ENAM: variants seen among roughly 807,000 people sequenced by gnomAD.
ENAM encodes the protein enamelin, also known as amelogenesis imperfecta 2, hypocalcification (autosomal dominant).
A neutral mutation model predicts 33.6 loss-of-function variants in ENAM; 21 were observed. That is an observed-to-expected ratio of 0.63 (90% CI 0.44 to 0.90). ENAM has a LOEUF of 0.90. Ranked by LOEUF, ENAM falls within the 40% of genes least tolerant of loss-of-function variation. The pLI, the probability that ENAM is intolerant of heterozygous loss-of-function variation, is 0.00. For missense variants in ENAM, 1,388 were observed against 1,366.9 expected (o/e 1.02, Z -0.24); for synonymous variants, 473 against 468.4 (o/e 1.01, Z -0.13).
chr4:70,639,921 G>GGGCA (rs1222139147), intron 8 of ENAM, among the ~76,000 whole-genome samples: 3 of 152,106 alleles, frequency 2.0e-5, no homozygotes, highest in Non-Finnish European at 4.4e-5. Flanking sequence ...TACCTCTTGA[G>GGGCA]GGCACTACCT....
At chr4:70,638,349 AC>A (rs1738510837) in intron 8 of ENAM, among the ~76,000 whole-genome samples, 1 of 140,606 alleles carries the variant, frequency 7.1e-6, no homozygotes, top group Non-Finnish European at 1.5e-5. Flanking sequence ...ATAGCACCCC[AC>A]CCCCCTGGAG....
At chr4:70,640,554 G>A (rs1426665145) in intron 8 of ENAM, among the ~76,000 whole-genome samples, 1 of 152,072 alleles carries the variant, frequency 6.6e-6, no homozygotes, top group African/African-American at 2.4e-5. Context: ...TTATAGCCCA[G>A]ATTATTATTA....
chr4:70,634,924 TA>T (rs1738413659), intron 6 of ENAM, among the ~76,000 whole-genome samples: 1 of 152,204 alleles, frequency 6.6e-6, no homozygotes, highest in Admixed American at 6.5e-5. Flanking sequence ...TCCCCATGAG[TA>T]AACTAAATAG....
Position 70,642,450 on chromosome 4 carries a change from G to A in ENAM, c.1024G>A (p.Gly342Arg). 6.2e-7 allele frequency: 1 copy of A among 1,614,008 alleles called. No individual in the cohort carries two copies. The highest frequency in any genetic ancestry group is 8.5e-7 in the Non-Finnish European group (1 of 1,179,958). ...RQWYFTGTVMGHRQNRPFYRN... is the reference protein window; with the variant it reads ...RQWYFTGTVMRHRQNRPFYRN... The stretch of plus-strand genomic sequence containing the variant: ...GTGGTATTTCACTGGTACTGTCATG[G>A]GGCACAGACAGAATAGGCCTTTTTA... Residue 342 changes from glycine (G) to arginine (R), a missense_variant, in exon 9 of 9, where the codon GGG becomes AGG. By Grantham distance (125) the Gly-to-Arg change is moderately radical. Coordinates refer to ENST00000396073, the MANE Select transcript of ENAM (RefSeq NM_031889.3).
chr4:70,636,523 C>A (rs543657488), intron 7 of ENAM, among the ~76,000 whole-genome samples: 1 of 152,142 alleles, frequency 6.6e-6, no homozygotes, highest in South Asian at 2.1e-4. Context: ...AATCCCAGCA[C>A]TTTGGGAAGC....
In ENAM at chr4:70,642,323, C is replaced by T; in HGVS notation, c.897C>T (p.Gly299=). ...IGPLPAVNAS[G]QGGPGSQIPW... ...CACTCCCTGCAGTCAACGCTTCAGG[C>T]CAGGGAGGGCCAGGAAGTCAAATCC... Residue 299 remains glycine (G), a synonymous_variant, in exon 9 of 9, where the codon GGC becomes GGT. Transcript: ENST00000396073. 6.2e-7 allele frequency: 1 copy of T among 1,614,122 alleles called. No homozygotes were observed. The highest frequency in any genetic ancestry group is 8.5e-7 in the Non-Finnish European group (1 of 1,180,010).
Position 70,644,738 on chromosome 4 carries a change from A to G in ENAM, c.3312A>G (p.Gln1104=). ...TGGTTGAGTTAGCTACTGAGGAACAATTTAAGAGTATAAATGTAGACCCAC... is the reference window on the plus strand; with the variant it reads ...TGGTTGAGTTAGCTACTGAGGAACAGTTTAAGAGTATAAATGTAGACCCAC... The part of the protein sequence containing the change: ...NTLVELATEE[Q]FKSINVDPLD... Residue 1104 remains glutamine, a synonymous_variant, in exon 9 of 9, where the codon CAA becomes CAG. Transcript: ENST00000396073. 6.2e-7 allele frequency: 1 copy of G among 1,614,050 alleles called. No individual in the cohort carries two copies. The highest frequency in any genetic ancestry group is 8.5e-7 in the Non-Finnish European group (1 of 1,179,934).
Position 70,645,234 on chromosome 4 carries a change from C to CGG in ENAM, c.*379_*380insGG. 3.6e-6 allele frequency: 1 copy of CGG among 280,504 alleles called. No individual in the cohort carries two copies. The highest frequency in any genetic ancestry group is 6.6e-6 in the Non-Finnish European group (1 of 150,548). The allele number at this position is 280,504 out of a possible 1,614,324, so 17.4% of individuals were successfully genotyped here. On this transcript the variant is annotated 3_prime_UTR_variant, in exon 9 of 9. Coordinates refer to ENST00000396073, the MANE Select transcript of ENAM (RefSeq NM_031889.3). Reference sequence around the variant, plus strand: ...AAAGGCAGATTAACTTTCCATTCTACTTATGGAGATCCACACATCAGTATA... The same window carrying CGG: ...AAAGGCAGATTAACTTTCCATTCTACGGTTATGGAGATCCACACATCAGTATA...
Position 70,644,650 on chromosome 4 carries a change from G to A in ENAM, c.3224G>A (p.Ser1075Asn), listed in dbSNP as rs771657853. The A allele has an allele frequency of 1.2e-6, 2 of 1,613,420 alleles. No individual in the cohort carries two copies. Among genetic ancestry groups the A allele is most frequent in the African/African-American group, 2.7e-5 (2 of 75,028 alleles). The change falls in exon 9 of 9, where the codon AGC becomes AAC. Residue 1075 changes from serine to asparagine, a missense_variant. By Grantham distance (46) the Ser-to-Asn change is conservative (BLOSUM62 1). Coordinates refer to ENST00000396073, the MANE Select transcript of ENAM (RefSeq NM_031889.3). Reference sequence around the variant, plus strand: ...TCTTCCACCACCGGAACTCCATCTAGCGATGGAAGGCAAAGCCCATTTGAT... The same window carrying A: ...TCTTCCACCACCGGAACTCCATCTAACGATGGAAGGCAAAGCCCATTTGAT... Reference protein sequence around the residue: ...HHSSTTGTPSSDGRQSPFDGD... With the variant: ...HHSSTTGTPSNDGRQSPFDGD...
In ENAM at chr4:70,646,063, T is replaced by G. The variant is rs1001222404; in HGVS notation, c.*1208T>G. 1.1e-4 allele frequency: 16 copies of G among 152,028 alleles called. No homozygotes were observed. The highest frequency in any genetic ancestry group is 3.4e-4 in the African/African-American group (14 of 41,406). 9.4% of individuals were successfully genotyped at this position (152,028 alleles called of 1,614,324 possible). ...ATAAAAACTCAATGTTTAGTTGTTT[T>G]TTTTTTTTTTTACTAGTTCAGCATA... On this transcript the variant is annotated 3_prime_UTR_variant, in exon 9 of 9. Coordinates refer to ENST00000396073, the MANE Select transcript of ENAM (RefSeq NM_031889.3).
chr4:70,635,291 C>T (rs867621182), intron 6 of ENAM, among the ~76,000 whole-genome samples: 7 of 152,246 alleles, frequency 4.6e-5, no homozygotes, highest in East Asian at 3.9e-4. Flanking sequence ...GCAGAAGAAT[C>T]GCTTGAACCC....
Position 70,636,027 on chromosome 4 carries a change from T to C in ENAM, c.534+133T>C, listed in dbSNP as rs1967376. 0.1 allele frequency: 50,951 copies of C among 507,718 alleles called. 7,889 individuals are homozygous for C. The highest frequency in any genetic ancestry group is 0.52 in the African/African-American group (26,596 of 51,306). The allele number at this position is 507,718 out of a possible 1,614,324, so 31.5% of individuals were successfully genotyped here. A position where few individuals can be genotyped will look rare whatever the true frequency, so the allele number is the denominator to read the frequency against. On this transcript the variant is annotated intron_variant, in intron 7 of 8. Transcript: ENST00000396073. ...AGTAGATGGTATGAAACAAAACCAGTGCATCAGTAATCATGCAGAAAAAGA... is the reference window on the plus strand; with the variant it reads ...AGTAGATGGTATGAAACAAAACCAGCGCATCAGTAATCATGCAGAAAAAGA...
intron 8 of ENAM, among the ~76,000 whole-genome samples, chr4:70,641,237 A>T (rs1577971775): frequency 2.6e-5 from 4 of 151,992 alleles, no homozygotes; most frequent in African/African-American, 9.7e-5. Context: ...TTTAGTGGAG[A>T]TGTTTTGCTG....
rs1226931449 is a variant in ENAM at position 70,645,876 on chromosome 4, C to G, written c.*1021C>G. The G allele has an allele frequency of 6.6e-6, 1 of 152,190 alleles. No homozygotes were observed. Among genetic ancestry groups the G allele is most frequent in the Non-Finnish European group, 1.5e-5 (1 of 68,050 alleles). 9.4% of individuals were successfully genotyped at this position (152,190 alleles called of 1,614,324 possible). On this transcript the variant is annotated 3_prime_UTR_variant, in exon 9 of 9. Transcript: ENST00000396073. ...AGAAGGGAAGGCAGGATACCCAGAA[C>G]TAGCAGCCTAGGGAAAAGGCTTAGG... is the stretch of plus-strand genomic sequence containing the variant.
chr4:70,643,946 T>C lies in ENAM; in HGVS notation c.2520T>C (p.Ser840=). The C allele has an allele frequency of 6.2e-7, 1 of 1,614,174 alleles. No homozygotes were observed. Among genetic ancestry groups the C allele is most frequent in the Non-Finnish European group, 8.5e-7 (1 of 1,180,026 alleles). The change falls in exon 9 of 9, where the codon TCT becomes TCC. Residue 840 remains serine, a synonymous_variant. Transcript: ENST00000396073. ...NYGMQITRMN[S]PEREHSSFPN... is the part of the protein sequence containing the mutation. Reference sequence around the variant, plus strand: ...GCATGCAAATAACTAGGATGAATTCTCCAGAGAGAGAACATTCATCTTTCC... The same window carrying C: ...GCATGCAAATAACTAGGATGAATTCCCCAGAGAGAGAACATTCATCTTTCC...
Position 70,633,544 on chromosome 4 carries a change from T to G in ENAM, c.211-764T>G, listed in dbSNP as rs147966347. On this transcript the variant is annotated intron_variant, in intron 5 of 8. Coordinates refer to ENST00000396073, the MANE Select transcript of ENAM (RefSeq NM_031889.3). ...CACAAAGCGTGGGTACATCATCTAA[T>G]AGATAGCAAGAGACTAATTAATGAA... is the stretch of plus-strand genomic sequence containing the variant. Among the ~76,000 whole-genome samples, 542 of 152,276 alleles carry G rather than the reference T, an allele frequency of 3.6e-3. 6 individuals are homozygous for G. The highest frequency in any genetic ancestry group is 0.013 in the African/African-American group (523 of 41,572).
At chr4:70,634,837 A>G (rs1227846015) in intron 6 of ENAM, among the ~76,000 whole-genome samples, 6 of 152,210 alleles carry the variant, frequency 3.9e-5, no homozygotes, top group African/African-American at 7.2e-5. Context: ...TCGAGAATCA[A>G]AGGTTCAAGT....
At chr4:70,637,436 C>T (rs1305148116) in intron 7 of ENAM, among the ~76,000 whole-genome samples, 3 of 152,116 alleles carry the variant, frequency 2.0e-5, no homozygotes, top group Admixed American at 1.3e-4. Flanking sequence ...TTCTCTCTCT[C>T]ACCCTCTCTC....
chr4:70,642,830 A>T lies in ENAM; in HGVS notation c.1404A>T (p.Lys468Asn). 1 of 1,613,880 alleles carries T rather than the reference A, an allele frequency of 6.2e-7. No homozygotes were observed. ...ACTCTCAACAGTATGAAGTTAATAA[A>T]TCAAATTATAAACTGCCTCACTCTG... The part of the protein sequence containing the change: ...WRNSQQYEVN[K>N]SNYKLPHSEG... The change falls in exon 9 of 9, where the codon AAA (lysine) becomes AAT (asparagine). Residue 468 changes from lysine to asparagine, a missense_variant. Transcript: ENST00000396073.
Sources: gnomAD v4.1 joint callset for allele counts (sites outside exome capture counted in the v4.1 genomes callset) on GRCh38, gnomAD v4.1.1 for gene constraint, MANE v1.5 for transcripts, NCBI Gene and HGNC (gene_info 2026-07-23, HGNC 2026-07-21) for gene names.